CACYBP: variants seen among roughly 807,000 people sequenced by gnomAD.
CACYBP encodes the protein calcyclin-binding protein.
CACYBP carries 11 observed loss-of-function variants against 29.6 expected under a neutral mutation model. That is an observed-to-expected ratio of 0.37 (90% CI 0.23 to 0.61). The LOEUF (loss-of-function observed/expected upper bound fraction) is 0.61, where lower values mean the gene tolerates loss of function less well. Among genes scored for constraint, CACYBP ranks in the 20% least tolerant of loss-of-function variants. The pLI, the probability that CACYBP is intolerant of heterozygous loss-of-function variation, is 0.65. For missense variants in CACYBP, 163 were observed against 260.7 expected (o/e 0.63, Z 2.58); for synonymous variants, 73 against 88.3 (o/e 0.83, Z 0.97).
intron 1 of CACYBP, chr1:175,000,472 G>C (rs1672445453): frequency 5.9e-6 from 8 of 1,353,460 alleles, no homozygotes; most frequent in Non-Finnish European, 7.6e-6. Flanking sequence ...GGGTCTGGGA[G>C]AGCGGCCCTT....
intron 1 of CACYBP, among the ~76,000 whole-genome samples, chr1:175,001,351 T>A (rs991860331): frequency 6.6e-6 from 1 of 152,238 alleles, no homozygotes; most frequent in African/African-American, 2.4e-5. Context: ...TTTAACCATT[T>A]TAAAGTGTAC....
Position 175,006,807 on chromosome 1 carries a change from C to G in CACYBP, c.298C>G (p.Pro100Ala), listed in dbSNP as rs777707220. 6 of 1,597,610 alleles carry G rather than the reference C, an allele frequency of 3.8e-6. No individual in the cohort carries two copies. The highest frequency in any genetic ancestry group is 5.1e-6 in the Non-Finnish European group (6 of 1,165,328). ...YITLTGVHQV[P>A]TENVQVHFTE... ...TACCTTAACTGGAGTTCATCAAGTT[C>G]CCACTGAGAATGTGCAGGTGCATTT... Residue 100 changes from proline to alanine, a missense_variant, in exon 3 of 6, where the codon CCC becomes GCC. Physicochemically the swap from Pro to Ala is conservative, Grantham distance 27 (BLOSUM62 -1). Transcript: ENST00000367679.
At chr1:175,009,731 G>A (rs1017522013) in intron 5 of CACYBP, among the ~76,000 whole-genome samples, 192 bp from the exon 6 acceptor site, 2 of 151,308 alleles carry the variant, frequency 1.3e-5, no homozygotes, top group African/African-American at 4.9e-5. Context: ...CGTGCACCAA[G>A]TGTGTGCATG....
intron 1 of CACYBP, 28 bp downstream of exon 1, chr1:175,000,223 T>C (rs572569414): frequency 4.3e-5 from 69 of 1,595,688 alleles, no homozygotes; most frequent in South Asian, 3.3e-4. Context: ...ATATTCCTTA[T>C]GCCCCCCGGC....
Position 174,999,989 on chromosome 1 carries a change from C to A in CACYBP, c.-192C>A. 2 of 765,580 alleles carry A rather than the reference C, an allele frequency of 2.6e-6. No homozygotes were observed. 47.4% of individuals were successfully genotyped at this position (765,580 alleles called of 1,614,324 possible). A position where few individuals can be genotyped will look rare whatever the true frequency, so the allele number is the denominator to read the frequency against. Reference sequence around the variant, plus strand: ...CGCGGTGGGCGGTGGCGGCGGCTGCCTCGCGAAGGTTCGAGATCCGTCGCG... The same window carrying A: ...CGCGGTGGGCGGTGGCGGCGGCTGCATCGCGAAGGTTCGAGATCCGTCGCG... On this transcript the variant is annotated 5_prime_UTR_variant, in exon 1 of 6. Coordinates refer to ENST00000367679, the MANE Select transcript of CACYBP (RefSeq NM_014412.3).
In CACYBP at chr1:175,004,687, C is replaced by G. The variant is rs537070373; in HGVS notation, c.89C>G (p.Thr30Arg). The G allele has an allele frequency of 2.5e-6, 4 of 1,613,880 alleles. No homozygotes were observed. In the South Asian group the frequency reaches 3.3e-5, roughly 13 times the overall value. The stretch of plus-strand genomic sequence containing the variant: ...AGGAAAAGAGTACGTGATGCCCTTA[C>G]AGCTGAAAAATCCAAGATTGAGACA... ...ATRKRVRDALTAEKSKIETEI... is the reference protein window; with the variant it reads ...ATRKRVRDALRAEKSKIETEI... Residue 30 changes from threonine (T) to arginine (R), a missense_variant, in exon 2 of 6, where the codon ACA (threonine) becomes AGA (arginine). Coordinates refer to ENST00000367679, the MANE Select transcript of CACYBP (RefSeq NM_014412.3).
intron 3 of CACYBP, 67 bp downstream of exon 3, chr1:175,006,908 C>A (rs189421840): frequency 7.3e-6 from 7 of 955,730 alleles, no homozygotes; most frequent in Admixed American, 2.0e-5. Flanking sequence ...TTGAGACTCT[C>A]TTCTTTGCAG....
In CACYBP at chr1:175,010,045, G is replaced by A. The variant is rs762272679; in HGVS notation, c.653G>A (p.Arg218Lys). The A allele has an allele frequency of 1.8e-5, 29 of 1,613,746 alleles. No homozygotes were observed. The South Asian group carries it at 3.1e-4, about 17-fold the overall frequency. Residue 218 changes from arginine (R) to lysine (K), a missense_variant, in exon 6 of 6, where the codon AGA becomes AAA. Arg to Lys is a conservative substitution (Grantham distance 26, BLOSUM62 2). Transcript: ENST00000367679. ...RTINKAWVES[R>K]EKQAKGDTEF Reference sequence around the variant, plus strand: ...ATTAATAAAGCCTGGGTGGAATCAAGAGAGAAGCAAGCCAAAGGAGACACG... The same window carrying A: ...ATTAATAAAGCCTGGGTGGAATCAAAAGAGAAGCAAGCCAAAGGAGACACG...
intron 4 of CACYBP, among the ~76,000 whole-genome samples, chr1:175,008,039 T>C (rs1478653029): frequency 6.6e-6 from 1 of 152,218 alleles, no homozygotes; most frequent in Non-Finnish European, 1.5e-5. Flanking sequence ...GCTAGTCCCA[T>C]AGGTAGAGTA....
rs1390538389 is a variant in CACYBP at position 175,011,200 on chromosome 1, G to T, written c.*1121G>T. The T allele has an allele frequency of 6.7e-6, 1 of 150,192 alleles. No individual in the cohort carries two copies. Among genetic ancestry groups the T allele is most frequent in the African/African-American group, 2.5e-5 (1 of 40,612 alleles). The allele number at this position is 150,192 out of a possible 1,614,324, so 9.3% of individuals were successfully genotyped here. On this transcript the variant is annotated 3_prime_UTR_variant, in exon 6 of 6. Coordinates refer to ENST00000367679, the MANE Select transcript of CACYBP (RefSeq NM_014412.3). The stretch of plus-strand genomic sequence containing the variant: ...CTACAATTAATATGGGAATTTGGAA[G>T]AAGTGGTAGGATTTAAAATACAGAA...
At chr1:175,009,853 T>C in intron 5 of CACYBP, 70 bp from the exon 6 acceptor site, 1 of 1,277,324 alleles carries the variant, frequency 7.8e-7, no homozygotes, top group Non-Finnish European at 1.1e-6. Context: ...CTGCCAGTGT[T>C]AACAACCTGA....
At chr1:175,009,860 C>G in intron 5 of CACYBP, 63 bp from the exon 6 acceptor site, 2 of 1,346,668 alleles carry the variant, frequency 1.5e-6, no homozygotes, top group East Asian at 2.3e-5. Context: ...TGTTAACAAC[C>G]TGAATGATAG....
chr1:175,000,874 C>G (rs758292853), intron 1 of CACYBP, among the ~76,000 whole-genome samples: 1 of 152,122 alleles, frequency 6.6e-6, no homozygotes, highest in Non-Finnish European at 1.5e-5. Flanking sequence ...AAACTCTGAA[C>G]GTTGGAGAAT....
At chr1:175,006,054 TAAAC>T (rs944345287) in intron 2 of CACYBP, among the ~76,000 whole-genome samples, 1 of 152,212 alleles carries the variant, frequency 6.6e-6, no homozygotes, top group Non-Finnish European at 1.5e-5. Context: ...ATATTCTTGA[TAAAC>T]AGAAGATGCT....
At chr1:175,000,790 TTTTAAA>T (rs1672457700) in intron 1 of CACYBP, among the ~76,000 whole-genome samples, 1 of 152,246 alleles carries the variant, frequency 6.6e-6, no homozygotes, top group African/African-American at 2.4e-5. Flanking sequence ...TGTATGTGAT[TTTTAAA>T]ATAAATAACT....
rs1672675131 is a variant in CACYBP at position 175,008,633 on chromosome 1, T to C, written c.457T>C (p.Leu153=). ...GGTCAAGACTGATACAGTTCTTATA[T>C]TGTGTAGAAAGAAAGTGGAAAACAC... is the stretch of plus-strand genomic sequence containing the variant. ...KKVKTDTVLI[L]CRKKVENTRW... Residue 153 remains leucine, a synonymous_variant, in exon 5 of 6, where the codon TTG becomes CTG. Transcript: ENST00000367679. The C allele has an allele frequency of 9.5e-6, 15 of 1,577,586 alleles. No homozygotes were observed. The East Asian group carries it at 3.4e-4, about 35-fold the overall frequency.
intron 3 of CACYBP, 89 bp downstream of exon 3, chr1:175,006,930 C>G: frequency 1.1e-6 from 1 of 909,492 alleles, no homozygotes; most frequent in Non-Finnish European, 1.8e-6. Flanking sequence ...TTTTAAAATT[C>G]TTAAATTTAG....
intron 4 of CACYBP, among the ~76,000 whole-genome samples, 183 bp downstream of exon 4, chr1:175,007,380 G>A (rs532907469): frequency 4.9e-4 from 75 of 152,308 alleles, no homozygotes; most frequent in Middle Eastern, 3.4e-3. Context: ...GGATGCTTTT[G>A]TGCTACAATG....
At position 175,010,374 on chromosome 1, in the gene CACYBP, C is replaced by T. The variant is rs897403253; in HGVS notation, c.*295C>T. The T allele has an allele frequency of 5.1e-6, 1 of 196,568 alleles. No homozygotes were observed. Among genetic ancestry groups the T allele is most frequent in the Non-Finnish European group, 1.0e-5 (1 of 97,778 alleles). The allele number at this position is 196,568 out of a possible 1,614,324, so 12.2% of individuals were successfully genotyped here. ...CAAGTCTTGCCCAATAAAAACGCTA[C>T]ATTGTGTGTATTTTTTGTTCAGCTA... On this transcript the variant is annotated 3_prime_UTR_variant, in exon 6 of 6. Transcript: ENST00000367679.
Sources: gnomAD v4.1 joint callset for allele counts (sites outside exome capture counted in the v4.1 genomes callset) on GRCh38, gnomAD v4.1.1 for gene constraint, MANE v1.5 for transcripts, NCBI Gene and HGNC (gene_info 2026-07-23, HGNC 2026-07-21) for gene names.